Variants in PDZD2 observed in about 807,000 individuals in gnomAD.
PDZD2 encodes the protein PDZ domain containing 2.
PDZD2 carries 90 observed loss-of-function variants against 220.7 expected under a neutral mutation model. The observed-to-expected ratio is 0.41, with a 90% CI of 0.34 to 0.49. The LOEUF is 0.49. PDZD2 is among the 20% of genes least tolerant of loss of function. The pLI, the probability that PDZD2 is intolerant of heterozygous loss-of-function variation, is 0.28. For missense variants in PDZD2, 3,174 were observed against 3,608.5 expected, an observed-to-expected ratio of 0.88 and a Z score of 3.08; for synonymous variants, 1,375 against 1,450.5, an observed-to-expected ratio of 0.95 and a Z score of 1.18.
At chr5:32,106,364 G>C (rs1332580924) in intron 24 of PDZD2, 3 of 152,330 alleles carry the variant, frequency 2.0e-5, no homozygotes, top group African/African-American at 7.2e-5. Flanking sequence ...GAGAGGCTGT[G>C]AACAGAGGAA....
At chr5:32,056,018 G>A (rs539088379) in intron 10 of PDZD2, among the ~76,000 whole-genome samples, 6 of 152,278 alleles carry the variant, frequency 3.9e-5, no homozygotes, top group African/African-American at 1.4e-4. Context: ...TTTTTCATAT[G>A]TGTTCATTTA....
intron 2 of PDZD2, among the ~76,000 whole-genome samples, chr5:31,843,037 A>G (rs1056085966): frequency 3.9e-5 from 6 of 151,902 alleles, no homozygotes; most frequent in Admixed American, 1.3e-4. Context: ...ATGCACCACC[A>G]CACCCGGCTA....
intron 6 of PDZD2, among the ~76,000 whole-genome samples, chr5:32,019,153 T>TG (rs941414217): frequency 6.6e-6 from 1 of 150,444 alleles, no homozygotes; most frequent in Non-Finnish European, 1.5e-5. Context: ...TTTTTTTTTT[T>TG]TTTTTTGAGA....
intron 1 of PDZD2, among the ~76,000 whole-genome samples, chr5:31,662,690 C>T (rs563575043): frequency 2.6e-5 from 4 of 152,156 alleles, no homozygotes; most frequent in Admixed American, 6.5e-5. Flanking sequence ...AGTGCAGTGG[C>T]GCAATCTCAG....
intron 1 of PDZD2, among the ~76,000 whole-genome samples, chr5:31,712,318 GC>G (rs754928473): frequency 2.0e-5 from 3 of 152,186 alleles, no homozygotes; most frequent in Non-Finnish European, 4.4e-5. Context: ...GCCTCACACG[GC>G]GTTGACTCGG....
chr5:31,856,181 G>C (rs930072795), intron 2 of PDZD2, among the ~76,000 whole-genome samples: 1 of 152,058 alleles, frequency 6.6e-6, no homozygotes, highest in African/African-American at 2.4e-5. Context: ...GCCTCATCTC[G>C]TCCCCAGCTG....
chr5:31,859,388 A>T (rs1737471292), intron 2 of PDZD2, among the ~76,000 whole-genome samples: 1 of 151,842 alleles, frequency 6.6e-6, no homozygotes. Flanking sequence ...ATCTCCTTTT[A>T]AAAAAAACAT....
chr5:32,072,392 C>A, intron 17 of PDZD2, 75 bp downstream of exon 17: 3 of 1,206,648 alleles, frequency 2.5e-6, no homozygotes, highest in Non-Finnish European at 1.2e-6. Context: ...TCTGTGCTGG[C>A]GGCTACAATG....
At chr5:31,658,106 A>G (rs1351069295) in intron 1 of PDZD2, among the ~76,000 whole-genome samples, 2 of 152,088 alleles carry the variant, frequency 1.3e-5, no homozygotes, top group Non-Finnish European at 2.9e-5. Context: ...AGCTGTTTGG[A>G]TTGGTGCAAT....
intron 1 of PDZD2, chr5:31,661,651 C>A (rs1745766521): frequency 6.6e-6 from 1 of 152,188 alleles, no homozygotes; most frequent in Non-Finnish European, 1.5e-5. Flanking sequence ...TGCACCTGAT[C>A]CTAACTTTGT....
intron 2 of PDZD2, among the ~76,000 whole-genome samples, chr5:31,860,503 A>T (rs1212829599): frequency 6.6e-6 from 1 of 151,886 alleles, no homozygotes; most frequent in East Asian, 1.9e-4. Flanking sequence ...TCCTCCCTTT[A>T]CCCTCACTCA....
At chr5:31,735,057 C>T (rs1215365676) in intron 1 of PDZD2, among the ~76,000 whole-genome samples, 1 of 152,148 alleles carries the variant, frequency 6.6e-6, no homozygotes, top group African/African-American at 2.4e-5. Flanking sequence ...ATTTCTCGGT[C>T]AGGTCAGTTG....
intron 2 of PDZD2, among the ~76,000 whole-genome samples, chr5:31,932,951 C>A (rs1042045459): frequency 1.3e-5 from 2 of 151,636 alleles, no homozygotes; most frequent in African/African-American, 4.9e-5. Flanking sequence ...GCTCTTGTTG[C>A]CCAGGCTGGA....
intron 1 of PDZD2, among the ~76,000 whole-genome samples, chr5:31,670,330 T>C (rs1213098670): frequency 6.6e-6 from 1 of 152,202 alleles, no homozygotes; most frequent in Non-Finnish European, 1.5e-5. Flanking sequence ...ACAAATACTT[T>C]TGGTGAAGAT....
intron 2 of PDZD2, among the ~76,000 whole-genome samples, chr5:31,887,790 G>A (rs1030004406): frequency 6.6e-6 from 1 of 151,260 alleles, no homozygotes; most frequent in East Asian, 2.0e-4. Flanking sequence ...ACTGTCCTAC[G>A]CTTTGCTTTC....
At chr5:31,913,553 T>C (rs1369744086) in intron 2 of PDZD2, among the ~76,000 whole-genome samples, 2 of 152,160 alleles carry the variant, frequency 1.3e-5, no homozygotes, top group Non-Finnish European at 2.9e-5. Context: ...CATACTATTA[T>C]AATGTTAACT....
intron 1 of PDZD2, among the ~76,000 whole-genome samples, chr5:31,674,613 G>A (rs1746334645): frequency 6.6e-6 from 1 of 152,130 alleles, no homozygotes; most frequent in Non-Finnish European, 1.5e-5. Context: ...AGGAGGGGAG[G>A]GAGGACAAGA....
chr5:31,983,826 C>T (rs745739455), intron 3 of PDZD2, among the ~76,000 whole-genome samples, 170 bp downstream of exon 3: 8 of 152,126 alleles, frequency 5.3e-5, no homozygotes, highest in Admixed American at 2.6e-4. Flanking sequence ...AAGATGACCT[C>T]GCATTGAGAA....
At chr5:31,654,520 C>T (rs1331882362) in intron 1 of PDZD2, among the ~76,000 whole-genome samples, 1 of 152,140 alleles carries the variant, frequency 6.6e-6, no homozygotes, top group East Asian at 1.9e-4. Flanking sequence ...GATCTTATCT[C>T]CATCCTGTAC....
Sources: allele counts gnomAD v4.1 joint callset (sites outside exome capture counted in the v4.1 genomes callset), GRCh38; gene constraint gnomAD v4.1.1; transcripts MANE v1.5; gene names NCBI Gene and HGNC (gene_info 2026-07-23, HGNC 2026-07-21).